Variants in IRAK1BP1 observed in about 807,000 individuals in gnomAD.
IRAK1BP1 encodes the protein interleukin 1 receptor associated kinase 1 binding protein 1, also known as interleukin-1 receptor-associated kinase 1-binding protein 1.
IRAK1BP1 carries 24 observed loss-of-function variants against 28.0 expected under a neutral mutation model. The observed-to-expected ratio is 0.86, with a 90% CI of 0.62 to 1.20. The LOEUF (loss-of-function observed/expected upper bound fraction) is 1.20. Ranked by LOEUF, IRAK1BP1 falls within the 50% of genes most tolerant of loss-of-function variation. The pLI is 0.00. For synonymous variants in IRAK1BP1, 131 were observed against 116.3 expected (o/e 1.13, Z -0.81); for missense variants, 336 against 316.7 (o/e 1.06, Z -0.46).
intron 4 of IRAK1BP1, among the ~76,000 whole-genome samples, chr6:78,914,821 A>G (rs1963080): frequency 0.89 from 136,102 of 152,220 alleles, 60,871 homozygotes; most frequent in Admixed American, 0.91. Flanking sequence ...TTTTGTTTTT[A>G]TTTTGTTTTT....
In IRAK1BP1 at chr6:78,941,166, T is replaced by G. The variant is rs760885759; in HGVS notation, c.*68-4242T>G. 6.2e-6 allele frequency: 10 copies of G among 1,613,978 alleles called. No individual in the cohort carries two copies. In the East Asian group the frequency reaches 1.6e-4, roughly 25 times the overall value. ...TCTTCTGGCTTTGCATACTGTAGCT[T>G]TTTGGGCTTTCTACCCCTTTTCTTG... On this transcript the variant is annotated intron_variant and NMD_transcript_variant, in intron 4 of 4. Coordinates refer to the IRAK1BP1 transcript ENST00000606868.
chr6:78,946,509 G>A (rs1458867265), downstream of IRAK1BP1: 2 of 1,388,078 alleles, frequency 1.4e-6, no homozygotes. Flanking sequence ...TTACTGTATA[G>A]ATTTAGCAGT....
intron 4 of IRAK1BP1, among the ~76,000 whole-genome samples, chr6:78,917,632 T>TA (rs35313944): frequency 0.47 from 29,626 of 63,482 alleles, 5,856 homozygotes; most frequent in East Asian, 0.68. Flanking sequence ...AAGTCAACAC[T>TA]AAAAAAAAAA....
chr6:78,968,454 A>G, the IRAK1BP1 span, among the ~76,000 whole-genome samples: 1 of 152,202 alleles, frequency 6.6e-6, no homozygotes, highest in Non-Finnish European at 1.5e-5. Context: ...TGGGATGTGA[A>G]ATCCATGAAT....
Position 78,911,700 on chromosome 6 carries a change from C to A in IRAK1BP1, c.*67+8590C>A, listed in dbSNP as rs139100158. ...ATTTAGTTACCTATTTATCTCACTT[C>A]ATTCCCAGCAATTTATTATCTGAGT... is the stretch of plus-strand genomic sequence containing the variant. On this transcript the variant is annotated intron_variant and NMD_transcript_variant, in intron 4 of 4. Coordinates refer to the IRAK1BP1 transcript ENST00000606868. 2.1e-3 allele frequency among the ~76,000 whole-genome samples: 315 copies of A among 152,330 alleles called. 1 individual carries two copies. Among genetic ancestry groups the A allele is most frequent in the African/African-American group, 6.9e-3 (286 of 41,570 alleles).
At chr6:78,971,333 T>C in the IRAK1BP1 span, among the ~76,000 whole-genome samples, 1 of 152,352 alleles carries the variant, frequency 6.6e-6, no homozygotes, top group East Asian at 1.9e-4. Context: ...CATACATTTA[T>C]CCACATTTCA....
At chr6:78,892,340 C>T (rs982416766) in intron 2 of IRAK1BP1, among the ~76,000 whole-genome samples, 54 of 152,144 alleles carry the variant, frequency 3.5e-4, no homozygotes, top group African/African-American at 1.2e-3. Context: ...TCTAATAACA[C>T]ATGCAAGACT....
chr6:78,952,609 T>G, the IRAK1BP1 span, among the ~76,000 whole-genome samples: 1 of 152,218 alleles, frequency 6.6e-6, no homozygotes, highest in African/African-American at 2.4e-5. Context: ...AATCTCTTTA[T>G]CATTCTGTGT....
the IRAK1BP1 span, among the ~76,000 whole-genome samples, chr6:78,979,073 A>C: frequency 1.3e-5 from 2 of 151,984 alleles, no homozygotes; most frequent in Admixed American, 1.3e-4. Flanking sequence ...GGTCACATGC[A>C]AATACTATAT....
intron 4 of IRAK1BP1, among the ~76,000 whole-genome samples, chr6:78,920,127 G>A: frequency 6.6e-6 from 1 of 152,102 alleles, no homozygotes; most frequent in East Asian, 1.9e-4. Flanking sequence ...GATTGTGCAT[G>A]CCTGTAATCC....
At chr6:78,918,578 T>TAAAAAAAAAAAAAAAAAAA (rs58669467) in intron 4 of IRAK1BP1, among the ~76,000 whole-genome samples, 20 of 66,736 alleles carry the variant, frequency 3.0e-4, no homozygotes, top group East Asian at 5.8e-4. Flanking sequence ...CCAAAAACAG[T>TAAAAAAAAAAAAAAAAAAA]AAAAAAAAAA....
the IRAK1BP1 span, among the ~76,000 whole-genome samples, chr6:78,962,930 G>C: frequency 4.6e-5 from 7 of 152,128 alleles, no homozygotes; most frequent in Admixed American, 3.3e-4. Context: ...GTTTTAAATA[G>C]TTAAGTCCTG....
intron 1 of IRAK1BP1, among the ~76,000 whole-genome samples, chr6:78,880,541 A>G (rs755518873): frequency 1.3e-5 from 2 of 152,208 alleles, no homozygotes; most frequent in Non-Finnish European, 2.9e-5. Flanking sequence ...ACTGGGAGAA[A>G]ATATTTGTAA....
chr6:78,952,933 A>G, the IRAK1BP1 span, among the ~76,000 whole-genome samples: 1 of 151,838 alleles, frequency 6.6e-6, no homozygotes, highest in African/African-American at 2.4e-5. Context: ...AATGAAGTAC[A>G]GTACTTCAGA....
At chr6:78,965,930 C>T in the IRAK1BP1 span, 3 of 1,562,582 alleles carry the variant, frequency 1.9e-6, no homozygotes, top group African/African-American at 2.7e-5. Context: ...TAAAATACAA[C>T]AAATATTTCC....
intron 4 of IRAK1BP1, chr6:78,940,552 T>G (rs868028152): frequency 4.3e-5 from 7 of 164,100 alleles, no homozygotes; most frequent in Non-Finnish European, 6.0e-5. Context: ...AAGTTTGTTT[T>G]TTTTTTTTTT....
the IRAK1BP1 span, among the ~76,000 whole-genome samples, chr6:78,971,678 G>T: frequency 6.6e-6 from 1 of 152,276 alleles, no homozygotes; most frequent in South Asian, 2.1e-4. Context: ...CGCGCACCGT[G>T]TGCGAGCCGA....
the IRAK1BP1 span, chr6:78,958,413 G>C: frequency 9.6e-7 from 1 of 1,042,434 alleles, no homozygotes; most frequent in South Asian, 1.4e-5. Context: ...TCTATTTTAA[G>C]AGGAACTGTA....
chr6:78,953,756 T>C, the IRAK1BP1 span, among the ~76,000 whole-genome samples: 1 of 152,186 alleles, frequency 6.6e-6, no homozygotes, highest in African/African-American at 2.4e-5. Context: ...CGGCTAATTT[T>C]TGTACTTTTA....
Sources: gnomAD v4.1 joint callset for allele counts (sites outside exome capture counted in the v4.1 genomes callset) on GRCh38, gnomAD v4.1.1 for gene constraint, MANE v1.5 for transcripts, NCBI Gene and HGNC (gene_info 2026-07-23, HGNC 2026-07-21) for gene names.